Variants in MIGA1 observed in about 807,000 individuals in gnomAD.
The protein encoded by MIGA1 is family with sequence similarity 73, member A.
Under a neutral mutation model 82.0 loss-of-function variants are expected in MIGA1, and 58 were observed. The observed-to-expected ratio is 0.71, with a 90% CI of 0.57 to 0.88. The LOEUF (loss-of-function observed/expected upper bound fraction) is 0.88. Among genes scored for constraint, MIGA1 ranks in the 40% least tolerant of loss-of-function variants. MIGA1 has a pLI of 0.00. For synonymous variants in MIGA1, 249 were observed against 253.6 expected (o/e 0.98, Z 0.17); for missense variants, 751 against 749.1 (o/e 1.00, Z -0.03).
chr1:77,791,719 A>T (rs1461896212), intron 2 of MIGA1, among the ~76,000 whole-genome samples: 1 of 151,756 alleles, frequency 6.6e-6, no homozygotes, highest in Non-Finnish European at 1.5e-5. Flanking sequence ...GCACACCACC[A>T]TGCCTGGCTA....
At chr1:77,796,960 A>G (rs990771623) in intron 2 of MIGA1, among the ~76,000 whole-genome samples, 1 of 152,102 alleles carries the variant, frequency 6.6e-6, no homozygotes, top group Non-Finnish European at 1.5e-5. Context: ...CTTTGTGGTC[A>G]CCTCTGACCG....
intron 7 of MIGA1, among the ~76,000 whole-genome samples, chr1:77,821,688 C>G (rs1044933175): frequency 3.9e-5 from 6 of 152,164 alleles, no homozygotes; most frequent in African/African-American, 1.4e-4. Flanking sequence ...GCCACCGCGC[C>G]TGGCCAAATA....
Position 77,872,992 on chromosome 1 carries a change from A to G in MIGA1, c.1564-12A>G. On this transcript the variant is annotated splice_polypyrimidine_tract_variant and intron_variant, in intron 14 of 15. Coordinates refer to ENST00000370791, the MANE Select transcript of MIGA1 (RefSeq NM_198549.4). ...GGTAGAAGTAACTTGATTCTCCTTT[A>G]CTTCCCAGCAGATCCCAGATGGATT... 2 of 1,613,630 alleles carry G rather than the reference A, an allele frequency of 1.2e-6. No individual in the cohort carries two copies. The highest frequency in any genetic ancestry group is 1.7e-6 in the Non-Finnish European group (2 of 1,179,980).
intron 13 of MIGA1, among the ~76,000 whole-genome samples, chr1:77,864,806 A>G (rs1685602397): frequency 6.6e-6 from 1 of 152,206 alleles, no homozygotes; most frequent in African/African-American, 2.4e-5. Flanking sequence ...TTCAGATGAA[A>G]TTCTCTTTTC....
chr1:77,785,223 T>C (rs1401926257), intron 2 of MIGA1, among the ~76,000 whole-genome samples: 1 of 152,168 alleles, frequency 6.6e-6, no homozygotes, highest in Non-Finnish European at 1.5e-5. Flanking sequence ...AATTAGTTAC[T>C]TCCTAGATAG....
chr1:77,825,752 C>T (rs1684006771), intron 7 of MIGA1, among the ~76,000 whole-genome samples: 1 of 151,540 alleles, frequency 6.6e-6, no homozygotes, highest in Non-Finnish European at 1.5e-5. Context: ...AATTGATAAA[C>T]TTTTTTTTTG....
At chr1:77,825,606 G>T (rs779012238) in intron 7 of MIGA1, among the ~76,000 whole-genome samples, 2 of 152,138 alleles carry the variant, frequency 1.3e-5, no homozygotes, top group Non-Finnish European at 2.9e-5. Flanking sequence ...AAAGAACGTG[G>T]AAGTTATGCA....
At chr1:77,830,705 A>C (rs1219356353) in intron 7 of MIGA1, among the ~76,000 whole-genome samples, 4 of 152,172 alleles carry the variant, frequency 2.6e-5, no homozygotes, top group African/African-American at 7.2e-5. Flanking sequence ...ATACAGAATC[A>C]AAGACTATAT....
intron 8 of MIGA1, among the ~76,000 whole-genome samples, chr1:77,856,998 G>A (rs1339119301): frequency 6.6e-6 from 1 of 152,058 alleles, no homozygotes; most frequent in Non-Finnish European, 1.5e-5. Context: ...CAGACTTTTT[G>A]ATGTAGGCGT....
chr1:77,807,204 C>T (rs535405244), intron 5 of MIGA1, 103 bp downstream of exon 5: 10 of 916,950 alleles, frequency 1.1e-5, no homozygotes, highest in Admixed American at 2.4e-5. Flanking sequence ...CTCTGTCACC[C>T]AGGCTGGAGT....
chr1:77,847,700 TC>T, intron 8 of MIGA1: 1 of 1,581,926 alleles, frequency 6.3e-7, no homozygotes, highest in South Asian at 1.1e-5. Context: ...ACTTACTAAA[TC>T]AAGCAGTTGG....
rs1044507560 is a variant in MIGA1 at position 77,813,315 on chromosome 1, A to G, written c.638-419A>G. On this transcript the variant is annotated intron_variant, in intron 5 of 15. Transcript: ENST00000370791. ...CTTTACTTTGTTCTTCTGAGAACTTATAAACCCGGTAGCTTTTTGTAAACT... is the reference window on the plus strand; with the variant it reads ...CTTTACTTTGTTCTTCTGAGAACTTGTAAACCCGGTAGCTTTTTGTAAACT... Among the ~76,000 whole-genome samples, 4 of 152,120 alleles carry G rather than the reference A, an allele frequency of 2.6e-5. No homozygotes were observed. The South Asian group carries it at 6.2e-4, about 24-fold the overall frequency.
intron 1 of MIGA1, among the ~76,000 whole-genome samples, chr1:77,782,687 A>G (rs1381888713): frequency 6.6e-6 from 1 of 152,136 alleles, no homozygotes; most frequent in Admixed American, 6.6e-5. Context: ...CTATACCAAA[A>G]TCATATAGCA....
Position 77,803,367 on chromosome 1 carries a change from T to C in MIGA1, c.471T>C (p.Leu157=). 3.8e-6 allele frequency: 6 copies of C among 1,565,714 alleles called. No individual in the cohort carries two copies. The highest frequency in any genetic ancestry group is 5.2e-6 in the Non-Finnish European group (6 of 1,154,492). ...TTTGTAACTATGCTAATGGAGGACT[T>C]TTCAGTAAATATTCAGGTTCTGCAC... is the stretch of plus-strand genomic sequence containing the variant. The change falls in exon 4 of 16, where the codon CTT becomes CTC. Residue 157 remains leucine, a synonymous_variant. Coordinates refer to ENST00000370791, the MANE Select transcript of MIGA1 (RefSeq NM_198549.4).
intron 8 of MIGA1, among the ~76,000 whole-genome samples, chr1:77,854,831 C>T (rs1361279552): frequency 6.6e-6 from 1 of 152,070 alleles, no homozygotes; most frequent in Non-Finnish European, 1.5e-5. Context: ...AAAATTTTCT[C>T]CCACTCTGTG....
intron 8 of MIGA1, chr1:77,847,769 G>T (rs1684899824): frequency 1.3e-6 from 2 of 1,592,032 alleles, no homozygotes; most frequent in South Asian, 1.1e-5. Flanking sequence ...TAAAGGAAGA[G>T]AAATCAAGGG....
At chr1:77,804,799 T>G (rs1683025299) in intron 4 of MIGA1, among the ~76,000 whole-genome samples, 1 of 150,680 alleles carries the variant, frequency 6.6e-6, no homozygotes, top group Non-Finnish European at 1.5e-5. Context: ...CCGGGTAGTT[T>G]TTGTGTTTTT....
At position 77,873,089 on chromosome 1, in the gene MIGA1, A is replaced by G. The variant is rs1386157395; in HGVS notation, c.1649A>G (p.Asn550Ser). 38 of 1,613,670 alleles carry G rather than the reference A, an allele frequency of 2.4e-5. No individual in the cohort carries two copies. The highest frequency in any genetic ancestry group is 3.2e-5 in the Non-Finnish European group (38 of 1,179,700). Residue 550 changes from asparagine to serine, a missense_variant, in exon 15 of 16, where the codon AAT becomes AGT. Asn to Ser is a conservative substitution (Grantham distance 46, BLOSUM62 1). Around this residue, in one of 3 missense-constraint regions of MIGA1, gnomAD observed 265 missense variants for 293.6 expected, o/e 0.90. Transcript: ENST00000370791. Reference sequence around the variant, plus strand: ...GCCTGGGGCTTTTTGGGTCCTAGAAATTCTCTGTATGATTTATGTTGCTTT... The same window carrying G: ...GCCTGGGGCTTTTTGGGTCCTAGAAGTTCTCTGTATGATTTATGTTGCTTT...
rs185403546 is a variant in MIGA1, at chr1:77,812,770, A to G, written c.638-964A>G. Reference sequence around the variant, plus strand: ...TCACATGTTCATTTTTTTTTCACACAAAGCTTTCTCTCAGCAAGGAAAGGA... The same window carrying G: ...TCACATGTTCATTTTTTTTTCACACGAAGCTTTCTCTCAGCAAGGAAAGGA... On this transcript the variant is annotated intron_variant, in intron 5 of 15. Transcript: ENST00000370791. Among the ~76,000 whole-genome samples the G allele has an allele frequency of 3.9e-5, 6 of 152,058 alleles. No individual in the cohort carries two copies. In the East Asian group the frequency reaches 1.2e-3, roughly 29 times the overall value.
Sources: gnomAD v4.1 joint callset for allele counts (sites outside exome capture counted in the v4.1 genomes callset) on GRCh38, gnomAD v4.1.1 for gene constraint, gnomAD v4.1.1 regional missense constraint, MANE v1.5 for transcripts, NCBI Gene and HGNC (gene_info 2026-07-23, HGNC 2026-07-21) for gene names.